Variants in CPQ observed in about 807,000 individuals in gnomAD.
CPQ encodes the protein Ser-Met dipeptidase.
CPQ carries 37 observed loss-of-function variants against 45.7 expected under a neutral mutation model. The observed-to-expected ratio is 0.81, with a 90% CI of 0.62 to 1.07. The LOEUF (loss-of-function observed/expected upper bound fraction) is 1.07. Ranked by LOEUF, CPQ falls within the 50% of genes least tolerant of loss-of-function variation. CPQ has a pLI of 0.00. For synonymous variants in CPQ, 186 were observed against 205.8 expected (o/e 0.90, Z 0.82); for missense variants, 537 against 572.9 (o/e 0.94, Z 0.64).
At chr8:96,936,729 A>G (rs977494708) in intron 4 of CPQ, among the ~76,000 whole-genome samples, 2 of 152,204 alleles carry the variant, frequency 1.3e-5, no homozygotes, top group Admixed American at 6.5e-5. Context: ...AGTTTTCCAC[A>G]TATATGAATG....
intron 3 of CPQ, among the ~76,000 whole-genome samples, chr8:96,875,909 A>G (rs1052183839): frequency 1.3e-5 from 2 of 152,006 alleles, no homozygotes; most frequent in Non-Finnish European, 2.9e-5. Flanking sequence ...TGTTAACAAT[A>G]TTAAGTATTC....
chr8:97,113,314 C>A (rs1189435671), intron 7 of CPQ, among the ~76,000 whole-genome samples: 3 of 152,090 alleles, frequency 2.0e-5, no homozygotes, highest in Non-Finnish European at 1.5e-5. Context: ...GAGAGAGCAG[C>A]AGCAGGAGAA....
chr8:97,010,195 T>A (rs1362505509), intron 5 of CPQ, among the ~76,000 whole-genome samples: 2 of 152,338 alleles, frequency 1.3e-5, no homozygotes, highest in Middle Eastern at 3.4e-3. Flanking sequence ...GTCCAGCCTC[T>A]GTGGTCTACC....
At chr8:97,116,903 G>T (rs770541949) in intron 7 of CPQ, among the ~76,000 whole-genome samples, 8 of 152,204 alleles carry the variant, frequency 5.3e-5, no homozygotes, top group Admixed American at 1.3e-4. Context: ...TAGATCCTCT[G>T]TTGGCAACTG....
intron 1 of CPQ, among the ~76,000 whole-genome samples, chr8:96,655,205 T>G (rs1177626404): frequency 6.6e-6 from 1 of 152,140 alleles, no homozygotes; most frequent in African/African-American, 2.4e-5. Flanking sequence ...TATGTGAAGA[T>G]TAGTTCCCTT....
At chr8:96,745,047 C>T (rs202187404) in intron 1 of CPQ, among the ~76,000 whole-genome samples, 25 of 152,154 alleles carry the variant, frequency 1.6e-4, no homozygotes, top group Admixed American at 7.2e-4. Flanking sequence ...CAGTGGCTCA[C>T]GCCTGTAATC....
intron 5 of CPQ, among the ~76,000 whole-genome samples, chr8:96,998,827 A>G (rs1409630089): frequency 6.6e-6 from 1 of 152,006 alleles, no homozygotes; most frequent in Admixed American, 6.6e-5. Flanking sequence ...ACTGGCCTCC[A>G]GCTCACTTTT....
chr8:96,930,356 G>T (rs1054604253), intron 4 of CPQ, among the ~76,000 whole-genome samples: 1 of 152,166 alleles, frequency 6.6e-6, no homozygotes, highest in African/African-American at 2.4e-5. Context: ...CCAAAGAGTT[G>T]GTTGAGATAG....
intron 1 of CPQ, among the ~76,000 whole-genome samples, chr8:96,716,884 G>A (rs2130758498): frequency 6.6e-6 from 1 of 151,324 alleles, no homozygotes; most frequent in Admixed American, 6.6e-5. Flanking sequence ...TCCAGCCTGG[G>A]CAAAAAAGAG....
At chr8:96,767,680 G>A (rs1384265165) in intron 1 of CPQ, among the ~76,000 whole-genome samples, 1 of 109,036 alleles carries the variant, frequency 9.2e-6, no homozygotes, top group Admixed American at 1.5e-4. Flanking sequence ...CTCTCACTCC[G>A]TTGCCCAGGC....
At chr8:97,055,087 A>G (rs1473327713) in intron 6 of CPQ, among the ~76,000 whole-genome samples, 2 of 152,192 alleles carry the variant, frequency 1.3e-5, no homozygotes, top group African/African-American at 4.8e-5. Context: ...TATGTTTTCA[A>G]TGCTGTGATT....
chr8:96,960,935 C>A (rs939785837), intron 4 of CPQ, among the ~76,000 whole-genome samples: 1 of 151,964 alleles, frequency 6.6e-6, no homozygotes, highest in Non-Finnish European at 1.5e-5. Context: ...TATGACTATT[C>A]CACAATGTAT....
intron 5 of CPQ, among the ~76,000 whole-genome samples, chr8:96,988,198 C>T (rs181605202): frequency 1.3e-3 from 204 of 152,260 alleles, no homozygotes; most frequent in Non-Finnish European, 2.1e-3. Flanking sequence ...TTTTCTTACC[C>T]TTCACTTAAT....
At chr8:96,657,243 G>A (rs977585045) in intron 1 of CPQ, among the ~76,000 whole-genome samples, 6 of 152,076 alleles carry the variant, frequency 3.9e-5, no homozygotes, top group Non-Finnish European at 8.8e-5. Flanking sequence ...TACTCAGGAG[G>A]CTGAGGCAGG....
intron 4 of CPQ, among the ~76,000 whole-genome samples, chr8:96,922,010 C>T (rs1450443662): frequency 2.0e-5 from 3 of 152,174 alleles, no homozygotes; most frequent in Admixed American, 6.5e-5. Context: ...TATTATTTCA[C>T]CAAAAATTTT....
intron 3 of CPQ, among the ~76,000 whole-genome samples, chr8:96,879,094 G>A (rs1298778713): frequency 6.6e-6 from 1 of 152,298 alleles, no homozygotes; most frequent in East Asian, 1.9e-4. Context: ...TCAATTATAA[G>A]TGTTTCTATG....
chr8:97,086,888 T>C (rs763815533), intron 7 of CPQ, among the ~76,000 whole-genome samples: 26 of 152,172 alleles, frequency 1.7e-4, no homozygotes, highest in Non-Finnish European at 3.2e-4. Flanking sequence ...GCACTCTATC[T>C]CTGCCATGGG....
rs541231666 is a variant in CPQ, at chr8:97,134,806, C to G, written c.1256-8214C>G. Among the ~76,000 whole-genome samples, 224 of 152,318 alleles carry G rather than the reference C, an allele frequency of 1.5e-3. 1 individual carries two copies. The highest frequency in any genetic ancestry group is 5.1e-3 in the African/African-American group (214 of 41,578). On this transcript the variant is annotated intron_variant, in intron 7 of 7. Coordinates refer to ENST00000220763, the MANE Select transcript of CPQ (RefSeq NM_016134.4). ...CAAGTTACTAAAATCTATTTTCCAT[C>G]TGTTAAAGACACATGAAGATCTCTC...
chr8:96,909,895 A>G (rs556232889), intron 4 of CPQ, among the ~76,000 whole-genome samples: 3 of 152,304 alleles, frequency 2.0e-5, no homozygotes, highest in Non-Finnish European at 4.4e-5. Flanking sequence ...TTTTAGTGCT[A>G]AAAGAAACCC....
Sources: gnomAD v4.1 joint callset for allele counts (sites outside exome capture counted in the v4.1 genomes callset) on GRCh38, gnomAD v4.1.1 for gene constraint, MANE v1.5 for transcripts, NCBI Gene and HGNC (gene_info 2026-07-23, HGNC 2026-07-21) for gene names.